PHF14: variants seen among roughly 807,000 people sequenced by gnomAD.
PHF14 encodes PHD finger protein 14.
PHF14 carries 55 observed loss-of-function variants against 117.9 expected under a neutral mutation model. The observed-to-expected ratio is 0.47, with a 90% confidence interval of 0.38 to 0.58. The LOEUF is 0.58. Among genes scored for constraint, PHF14 ranks in the 20% least tolerant of loss-of-function variants. The probability of loss-of-function intolerance (pLI) is 0.00; values close to 1 mark genes in which losing one functional copy is unlikely to be tolerated. For synonymous variants in PHF14, 409 were observed against 368.6 expected (o/e 1.11, Z -1.26); for missense variants, 978 against 1,122.2 (o/e 0.87, Z 1.84).
At chr7:11,065,970 A>AT (rs1785410756) in intron 16 of PHF14, among the ~76,000 whole-genome samples, 1 of 152,152 alleles carries the variant, frequency 6.6e-6, no homozygotes, top group Non-Finnish European at 1.5e-5. Flanking sequence ...ATGATCTATT[A>AT]AGCTATTTCA....
At chr7:10,992,107 G>C (rs1401089895) in intron 4 of PHF14, among the ~76,000 whole-genome samples, 22 of 151,624 alleles carry the variant, frequency 1.5e-4, no homozygotes, top group African/African-American at 5.3e-4. Context: ...AGGCTGGAGT[G>C]CAGCGACACA....
chr7:11,150,964 A>G (rs1359801803), intron 17 of PHF14, among the ~76,000 whole-genome samples: 1 of 152,168 alleles, frequency 6.6e-6, no homozygotes, highest in African/African-American at 2.4e-5. Context: ...TTTATTTTCT[A>G]CTTTAAAAGA....
chr7:11,070,348 G>A (rs1416668789), intron 16 of PHF14, among the ~76,000 whole-genome samples: 1 of 152,194 alleles, frequency 6.6e-6, no homozygotes, highest in African/African-American at 2.4e-5. Flanking sequence ...AAAGTGGTGG[G>A]ATTACAGGCA....
intron 16 of PHF14, among the ~76,000 whole-genome samples, chr7:11,064,897 A>T (rs1374713154): frequency 6.6e-6 from 1 of 152,012 alleles, no homozygotes; most frequent in Non-Finnish European, 1.5e-5. Flanking sequence ...TTGCTGAGTG[A>T]TAGTAAGGTT....
rs1338242552 is a variant in PHF14, at chr7:11,130,266, C to G, written c.2772+18799C>G. Among the ~76,000 whole-genome samples, 1 of 152,028 alleles carries G rather than the reference C, an allele frequency of 6.6e-6. No homozygotes were observed. Among genetic ancestry groups the G allele is most frequent in the Non-Finnish European group, 1.5e-5 (1 of 67,940 alleles). On this transcript the variant is annotated intron_variant, in intron 17 of 17. Transcript: ENST00000634607. This position sits in a 1 kb window ranked among gnomAD's most constrained non-coding sequence, Gnocchi z 4.2. ...CCTCAGATGACGCAGTCAAACCTAA[C>G]TTTAAGAAGCCAGTAAGTGTAATGC...
intron 17 of PHF14, among the ~76,000 whole-genome samples, chr7:11,148,091 A>T (rs745846252): frequency 6.6e-6 from 1 of 152,138 alleles, no homozygotes; most frequent in Non-Finnish European, 1.5e-5. Context: ...TTCTGACTAC[A>T]TTACAGTACT....
chr7:11,019,816 A>G (rs549356561), intron 5 of PHF14, among the ~76,000 whole-genome samples: 5 of 151,854 alleles, frequency 3.3e-5, no homozygotes, highest in Non-Finnish European at 5.9e-5. Context: ...AAGATATGTC[A>G]TTGGATTGTT....
intron 16 of PHF14, among the ~76,000 whole-genome samples, chr7:11,077,306 A>C (rs1397555651): frequency 6.6e-6 from 1 of 152,066 alleles, no homozygotes; most frequent in African/African-American, 2.4e-5. Flanking sequence ...AAAGAAAAAA[A>C]AAAAGCCAGA....
chr7:11,086,006 G>C (rs1455120839), intron 16 of PHF14, among the ~76,000 whole-genome samples: 3 of 152,068 alleles, frequency 2.0e-5, no homozygotes, highest in Non-Finnish European at 4.4e-5. Flanking sequence ...TTGTGCTTTA[G>C]TTTCCTCATC....
chr7:10,986,713 G>A (rs1434923563), intron 3 of PHF14, among the ~76,000 whole-genome samples: 1 of 152,148 alleles, frequency 6.6e-6, no homozygotes, highest in East Asian at 1.9e-4. Context: ...GATTCCTTAA[G>A]ATTATCTTGC....
At chr7:11,088,004 C>G (rs1786483661) in intron 16 of PHF14, among the ~76,000 whole-genome samples, 1 of 152,096 alleles carries the variant, frequency 6.6e-6, no homozygotes, top group Non-Finnish European at 1.5e-5. Flanking sequence ...TTGTTTAATT[C>G]AGTATAAAAT....
chr7:11,041,146 A>G (rs147081262), intron 12 of PHF14, among the ~76,000 whole-genome samples: 9 of 152,202 alleles, frequency 5.9e-5, no homozygotes, highest in Admixed American at 5.9e-4. Flanking sequence ...ATATATGTAT[A>G]TATATAGAAT....
At chr7:11,038,882 CT>C in intron 11 of PHF14, 27 bp downstream of exon 11, 1 of 1,070,270 alleles carries the variant, frequency 9.3e-7, no homozygotes, top group East Asian at 2.5e-5. Context: ...TTGCTGTCTC[CT>C]TCAGTTCTTG....
chr7:11,122,352 T>TATATATATATATATATATATACAC, intron 17 of PHF14, among the ~76,000 whole-genome samples: 81 of 65,818 alleles, frequency 1.2e-3, no homozygotes, highest in Non-Finnish European at 1.7e-3. Flanking sequence ...TATATATATA[T>TATATATATATATATATATATACAC]ACACACACAC....
chr7:11,121,866 C>T (rs1426096550), intron 17 of PHF14, among the ~76,000 whole-genome samples: 10 of 149,712 alleles, frequency 6.7e-5, no homozygotes, highest in African/African-American at 2.5e-4. Flanking sequence ...TTTTTTTTTT[C>T]TATAAGTTCT....
At chr7:11,107,123 G>T in intron 16 of PHF14, 1 of 983,820 alleles carries the variant, frequency 1.0e-6, no homozygotes, top group Non-Finnish European at 1.2e-6. Context: ...AATTAGAGAT[G>T]TTAAACCCTT....
At chr7:10,985,636 C>CCGGTTTTTTTTTTTTTTTTTTTTTTTT (rs750860479) in intron 3 of PHF14, among the ~76,000 whole-genome samples, 5 of 90,862 alleles carry the variant, frequency 5.5e-5, no homozygotes, top group East Asian at 4.1e-4. Flanking sequence ...GATTCTCAAA[C>CCGGTTTTTTTTTTTTTTTTTTTTTTTT]TGTTTTTTTT....
intron 17 of PHF14, among the ~76,000 whole-genome samples, chr7:11,160,125 T>C (rs1377582719): frequency 6.6e-6 from 1 of 152,180 alleles, no homozygotes; most frequent in East Asian, 1.9e-4. Context: ...TGTCCCTGTG[T>C]ACCCAATGTG....
Position 10,982,941 on chromosome 7 carries a change from C to G in PHF14, c.682C>G (p.Gln228Glu). The change falls in exon 3 of 18, where the codon CAG (glutamine) becomes GAG (glutamate). Residue 228 changes from glutamine (Q) to glutamate (E), a missense_variant. Around this residue, in one of 7 missense-constraint regions of PHF14, gnomAD observed 414 missense variants for 376.4 expected, o/e 1.10. Transcript: ENST00000634607. ...AAAGAGAAAAGGGAGATCTGCGTCTCAGAAAGAGGGAAGTGATGGAGACAA... is the reference window on the plus strand; with the variant it reads ...AAAGAGAAAAGGGAGATCTGCGTCTGAGAAAGAGGGAAGTGATGGAGACAA... ...VVKRKGRSAS[Q>E]KEGSDGDNED... 1.2e-6 allele frequency: 2 copies of G among 1,603,088 alleles called. No individual in the cohort carries two copies. Among genetic ancestry groups the G allele is most frequent in the Non-Finnish European group, 1.7e-6 (2 of 1,174,208 alleles).
Sources: allele counts gnomAD v4.1 joint callset (sites outside exome capture counted in the v4.1 genomes callset), GRCh38; gene constraint gnomAD v4.1.1; regional missense constraint gnomAD v4.1.1; non-coding constraint Gnocchi (gnomAD v3.1); transcripts MANE v1.5; gene names NCBI Gene and HGNC (gene_info 2026-07-23, HGNC 2026-07-21).